Variants in PRTFDC1 observed in about 807,000 individuals in gnomAD.
PRTFDC1 encodes phosphoribosyl transferase domain containing 1, also known as phosphoribosyltransferase domain-containing protein 1.
A neutral mutation model predicts 34.6 loss-of-function variants in PRTFDC1; 38 were observed. That is an observed-to-expected ratio of 1.10 (90% CI 0.85 to 1.44). The LOEUF (loss-of-function observed/expected upper bound fraction) is 1.44. Among genes scored for constraint, PRTFDC1 ranks in the 40% most tolerant of loss-of-function variants. The probability of loss-of-function intolerance (pLI) is 0.00; values close to 1 mark genes in which losing one functional copy is unlikely to be tolerated. For synonymous variants in PRTFDC1, 93 were observed against 98.1 expected, an observed-to-expected ratio of 0.95 and a Z score of 0.31; for missense variants, 270 against 283.0, an observed-to-expected ratio of 0.95 and a Z score of 0.33.
intron 2 of PRTFDC1, among the ~76,000 whole-genome samples, chr10:24,938,872 T>C (rs1325116685): frequency 6.6e-6 from 1 of 152,120 alleles, no homozygotes; most frequent in Non-Finnish European, 1.5e-5. Flanking sequence ...GAAATTTGAA[T>C]CTACTTTCAA....
At chr10:24,877,947 T>C (rs1847994727) in intron 3 of PRTFDC1, among the ~76,000 whole-genome samples, 1 of 152,002 alleles carries the variant, frequency 6.6e-6, no homozygotes, top group Non-Finnish European at 1.5e-5. Flanking sequence ...GATCTCCAAT[T>C]TGCAAATGAA....
intron 6 of PRTFDC1, among the ~76,000 whole-genome samples, chr10:24,856,300 A>G (rs1847575083): frequency 6.6e-6 from 1 of 151,564 alleles, no homozygotes; most frequent in African/African-American, 2.4e-5. Context: ...AAGAAAAAAA[A>G]AAAGGGCCGG....
intron 3 of PRTFDC1, among the ~76,000 whole-genome samples, chr10:24,927,010 A>C (rs1358529678): frequency 6.6e-6 from 1 of 152,216 alleles, no homozygotes; most frequent in African/African-American, 2.4e-5. Flanking sequence ...ATAAAATAAA[A>C]AGGCTGTAAG....
chr10:24,880,365 G>C (rs963465140), intron 3 of PRTFDC1, among the ~76,000 whole-genome samples: 1 of 151,374 alleles, frequency 6.6e-6, no homozygotes, highest in Admixed American at 6.6e-5. Flanking sequence ...TGATTCTCCT[G>C]CCTTAGCCTC....
At chr10:24,864,711 C>G (rs1040979429) in intron 4 of PRTFDC1, among the ~76,000 whole-genome samples, 4 of 152,180 alleles carry the variant, frequency 2.6e-5, no homozygotes, top group Non-Finnish European at 5.9e-5. Context: ...GTGTGGCTCT[C>G]TTTATCGTGG....
At chr10:24,885,694 C>T (rs1848153340) in intron 3 of PRTFDC1, among the ~76,000 whole-genome samples, 1 of 152,194 alleles carries the variant, frequency 6.6e-6, no homozygotes. Flanking sequence ...CATGAGCCAC[C>T]GCACCTGGCC....
intron 3 of PRTFDC1, among the ~76,000 whole-genome samples, chr10:24,904,528 G>T (rs574624804): frequency 6.6e-6 from 1 of 152,306 alleles, no homozygotes; most frequent in African/African-American, 2.4e-5. Flanking sequence ...AGGCAGGCAA[G>T]TCTGCTACAT....
intron 3 of PRTFDC1, among the ~76,000 whole-genome samples, chr10:24,901,906 T>C (rs559414725): frequency 9.9e-5 from 15 of 152,196 alleles, no homozygotes; most frequent in Non-Finnish European, 1.0e-4. Flanking sequence ...CAACCACAGA[T>C]GGTCTAAATG....
At chr10:24,936,950 A>G (rs888308871) in intron 3 of PRTFDC1, among the ~76,000 whole-genome samples, 3 of 152,210 alleles carry the variant, frequency 2.0e-5, no homozygotes, top group African/African-American at 7.2e-5. Flanking sequence ...ACAAATCATT[A>G]CTGCTGAGTC....
Position 24,848,984 on chromosome 10 carries a change from T to C in PRTFDC1, c.*860A>G, listed in dbSNP as rs1847436402. On this transcript the variant is annotated 3_prime_UTR_variant, in exon 9 of 9. Transcript: ENST00000320152. ...GACAGGGCATAACAGTGTCTTGTCC[T>C]TTCATGCAAATAAGAGGAAAAATTT... 6.6e-6 allele frequency: 1 copy of C among 152,252 alleles called. No homozygotes were observed. Among genetic ancestry groups the C allele is most frequent in the Admixed American group, 6.5e-5 (1 of 15,274 alleles). 9.4% of individuals were successfully genotyped at this position (152,252 alleles called of 1,614,324 possible). A position where few individuals can be genotyped will look rare whatever the true frequency, so the allele number is the denominator to read the frequency against.
intron 1 of PRTFDC1, among the ~76,000 whole-genome samples, chr10:24,943,193 TTTC>T (rs61403184): frequency 0.38 from 58,280 of 151,630 alleles, 12,353 homozygotes; most frequent in Middle Eastern, 0.54. Flanking sequence ...CTGGAAAAGA[TTTC>T]TTATTAAAAG....
chr10:24,942,340 T>A lies in PRTFDC1; in HGVS notation c.145A>T (p.Ile49Phe), dbSNP rs1184756099. ...LEYVLIPHGI[I>F]VDRIERLAKD... is the part of the protein sequence containing the mutation. ...GGAAATCACACTCACCTGTCCACAATGATACCATGAGGGATGAGGACATAC... is the reference window on the plus strand; with the variant it reads ...GGAAATCACACTCACCTGTCCACAAAGATACCATGAGGGATGAGGACATAC... Residue 49 changes from isoleucine (I) to phenylalanine (F), a missense_variant, in exon 2 of 9, where the codon ATT (isoleucine) becomes TTT (phenylalanine). Ile to Phe is a conservative substitution (Grantham distance 21). Coordinates refer to ENST00000320152, the MANE Select transcript of PRTFDC1 (RefSeq NM_020200.7). The A allele has an allele frequency of 1.7e-5, 27 of 1,610,464 alleles. No homozygotes were observed. Among genetic ancestry groups the A allele is most frequent in the Non-Finnish European group, 2.3e-5 (27 of 1,176,722 alleles).
rs74122893 is a variant in PRTFDC1, at chr10:24,910,818, A to T, written c.339+26366T>A. 6.2e-3 allele frequency among the ~76,000 whole-genome samples: 942 copies of T among 152,192 alleles called. 13 individuals carry two copies. Among genetic ancestry groups the T allele is most frequent in the African/African-American group, 0.021 (878 of 41,530 alleles). ...TTAAAACAAATCAAAAAGAAAATTT[A>T]AAAAAAATTACCAAATCAGGCACCC... On this transcript the variant is annotated intron_variant, in intron 3 of 8. Transcript: ENST00000320152.
At chr10:24,874,413 A>G (rs2132515425) in intron 3 of PRTFDC1, among the ~76,000 whole-genome samples, 1 of 152,328 alleles carries the variant, frequency 6.6e-6, no homozygotes, top group South Asian at 2.1e-4. Context: ...TAACACAGGA[A>G]GAATTTCTGC....
chr10:24,944,096 G>A (rs948346874), intron 1 of PRTFDC1, among the ~76,000 whole-genome samples: 3 of 151,556 alleles, frequency 2.0e-5, no homozygotes, highest in African/African-American at 2.4e-5. Context: ...TCTGTATTCC[G>A]AACTCAGAAG....
intron 2 of PRTFDC1, among the ~76,000 whole-genome samples, chr10:24,940,752 C>A (rs1328228634): frequency 3.3e-5 from 5 of 152,160 alleles, no homozygotes. Context: ...TTTATAGAAG[C>A]ATTTCCACAA....
chr10:24,919,473 A>C (rs1389364207), intron 3 of PRTFDC1, among the ~76,000 whole-genome samples: 2 of 152,242 alleles, frequency 1.3e-5, no homozygotes, highest in Non-Finnish European at 2.9e-5. Flanking sequence ...ATCTTATACA[A>C]AAATTAACTC....
At chr10:24,942,619 C>T (rs1849181543) in intron 1 of PRTFDC1, among the ~76,000 whole-genome samples, 183 bp from the exon 2 acceptor site, 1 of 152,116 alleles carries the variant, frequency 6.6e-6, no homozygotes, top group South Asian at 2.1e-4. Flanking sequence ...ACTCCATTCC[C>T]AACTATTGGC....
intron 3 of PRTFDC1, among the ~76,000 whole-genome samples, chr10:24,918,665 TCAGCCTCCCAAAG>T (rs1235894998): frequency 4.6e-5 from 7 of 152,098 alleles, no homozygotes; most frequent in African/African-American, 1.7e-4. Context: ...TCCTCCCCAC[TCAGCCTCCCAAAG>T]CTCTAGGGTT....
Sources: allele counts gnomAD v4.1 joint callset (sites outside exome capture counted in the v4.1 genomes callset), GRCh38; gene constraint gnomAD v4.1.1; transcripts MANE v1.5; gene names NCBI Gene and HGNC (gene_info 2026-07-23, HGNC 2026-07-21).